The following RIMBP2 variants were observed in gnomAD, a reference collection of about 807,000 sequenced individuals.
RIMBP2 encodes the protein RIMS binding protein 2.
A neutral mutation model predicts 118.6 loss-of-function variants in RIMBP2; 48 were observed. The observed-to-expected ratio is 0.40, with a 90% CI of 0.32 to 0.51. RIMBP2 has a LOEUF of 0.51. RIMBP2 is among the 20% of genes least tolerant of loss of function. The pLI, the probability that RIMBP2 is intolerant of heterozygous loss-of-function variation, is 0.41. For missense variants in RIMBP2, 1,551 were observed against 1,768.3 expected (o/e 0.88, Z 2.20); for synonymous variants, 762 against 742.9 (o/e 1.03, Z -0.42).
At chr12:130,626,032 T>C (rs2061599794) in intron 2 of RIMBP2, among the ~76,000 whole-genome samples, 2 of 152,336 alleles carry the variant, frequency 1.3e-5, no homozygotes, top group East Asian at 1.9e-4. Flanking sequence ...GATACCATTA[T>C]ATTAATAATG....
At chr12:130,537,989 T>C (rs757887698) in intron 2 of RIMBP2, among the ~76,000 whole-genome samples, 20 of 152,162 alleles carry the variant, frequency 1.3e-4, no homozygotes, top group Non-Finnish European at 2.5e-4. Context: ...GTTTCCATTT[T>C]ATTCACACAG....
chr12:130,494,933 C>T (rs1370248364), intron 4 of RIMBP2, among the ~76,000 whole-genome samples: 1 of 152,222 alleles, frequency 6.6e-6, no homozygotes, highest in Non-Finnish European at 1.5e-5. Flanking sequence ...TCTCGTGGAA[C>T]CTCTGAGGGA....
intron 1 of RIMBP2, among the ~76,000 whole-genome samples, chr12:130,689,269 C>T (rs2065210120): frequency 6.6e-6 from 1 of 151,970 alleles, no homozygotes; most frequent in Non-Finnish European, 1.5e-5. Context: ...CCCGTCTCTA[C>T]CAAAAATACA....
intron 2 of RIMBP2, among the ~76,000 whole-genome samples, chr12:130,626,471 T>C (rs1182926006): frequency 6.8e-6 from 1 of 146,416 alleles, no homozygotes; most frequent in Non-Finnish European, 1.5e-5. Context: ...CCATCACGAC[T>C]ACCGCCAGCA....
intron 13 of RIMBP2, 22 bp downstream of exon 13, chr12:130,436,820 G>C: frequency 2.2e-6 from 3 of 1,372,100 alleles, no homozygotes; most frequent in Non-Finnish European, 2.8e-6. Context: ...AGGAGCCACC[G>C]AGGCGGGAGC....
chr12:130,402,530 A>G, intron 21 of RIMBP2, among the ~76,000 whole-genome samples: 1 of 152,140 alleles, frequency 6.6e-6, no homozygotes, highest in Non-Finnish European at 1.5e-5. Context: ...GTGTACCATC[A>G]AAACCCTTTA....
At chr12:130,587,081 CTCG>C (rs2058937277) in intron 2 of RIMBP2, among the ~76,000 whole-genome samples, 1 of 138,886 alleles carries the variant, frequency 7.2e-6, no homozygotes, top group South Asian at 2.8e-4. Context: ...TGAAAAAATG[CTCG>C]TCATCACTGG....
intron 4 of RIMBP2, among the ~76,000 whole-genome samples, chr12:130,490,427 A>C (rs2048531087): frequency 6.6e-6 from 1 of 152,134 alleles, no homozygotes. Context: ...TTAAAAAATA[A>C]ATGGTTTTGA....
Position 130,710,457 on chromosome 12 carries a change from C to G in RIMBP2, c.-352+5765G>C, listed in dbSNP as rs1593055152. Among the ~76,000 whole-genome samples the G allele has an allele frequency of 6.6e-6, 1 of 152,008 alleles. No homozygotes were observed. Among genetic ancestry groups the G allele is most frequent in the South Asian group, 2.1e-4 (1 of 4,814 alleles). Reference sequence around the variant, plus strand: ...ACATACACGCAGGCGCACACACACACATACACACACACACGTACACACACA... The same window carrying G: ...ACATACACGCAGGCGCACACACACAGATACACACACACACGTACACACACA... On this transcript the variant is annotated intron_variant, in intron 1 of 22. Transcript: ENST00000690449. The surrounding 1 kb of genome is among the most constrained non-coding windows in gnomAD (Gnocchi z 4.3).
chr12:130,565,679 T>C (rs1229985199), intron 2 of RIMBP2, among the ~76,000 whole-genome samples: 1 of 152,248 alleles, frequency 6.6e-6, no homozygotes, highest in Non-Finnish European at 1.5e-5. Context: ...CCCCTCTTTT[T>C]AAAATTATTT....
chr12:130,678,418 AG>A (rs2064604020), intron 1 of RIMBP2, among the ~76,000 whole-genome samples: 1 of 152,242 alleles, frequency 6.6e-6, no homozygotes, highest in Admixed American at 6.5e-5. Flanking sequence ...CAGCCACCAA[AG>A]GGGCGAAGTG....
At chr12:130,709,452 C>A (rs938379227) in intron 1 of RIMBP2, among the ~76,000 whole-genome samples, 5 of 152,238 alleles carry the variant, frequency 3.3e-5, no homozygotes, top group African/African-American at 9.6e-5. Context: ...CCGCAGCCTG[C>A]GGGGCAGCTC....
intron 21 of RIMBP2, among the ~76,000 whole-genome samples, chr12:130,401,812 A>G (rs963010440): frequency 6.6e-6 from 1 of 152,140 alleles, no homozygotes; most frequent in African/African-American, 2.4e-5. Context: ...CCAGCCTTAG[A>G]AAAGATTCTT....
In RIMBP2 at chr12:130,424,582, C is replaced by T. The variant is rs370840534; in HGVS notation, c.2689G>A (p.Val897Met). ...CTGTCTTCCAGAAGGAAGTCCTCCA[C>T]GTGGGGGACGGCCCCCGAGCCCCTG... Reference protein sequence around the residue: ...KHRGSGAVPHVEDFLLEDRGC... With the variant: ...KHRGSGAVPHMEDFLLEDRGC... The change falls in exon 16 of 23, where the codon GTG (valine) becomes ATG (methionine). Residue 897 changes from valine to methionine, a missense_variant. Coordinates refer to ENST00000690449, the MANE Select transcript of RIMBP2 (RefSeq NM_001393629.1). This position sits in a 1 kb window ranked among gnomAD's most constrained non-coding sequence, Gnocchi z 9.8. 14 of 1,231,880 alleles carry T rather than the reference C, an allele frequency of 1.1e-5. No homozygotes were observed. Among genetic ancestry groups the T allele is most frequent in the South Asian group, 8.2e-5 (2 of 24,328 alleles). 76.3% of individuals were successfully genotyped at this position (1,231,880 alleles called of 1,614,324 possible).
chr12:130,700,440 G>C (rs546341722), intron 1 of RIMBP2, among the ~76,000 whole-genome samples: 98 of 152,240 alleles, frequency 6.4e-4, no homozygotes, highest in South Asian at 3.9e-3. Context: ...TAGGGTTTTT[G>C]AAGATGCAAT....
At chr12:130,558,155 C>T (rs1245529964) in intron 2 of RIMBP2, among the ~76,000 whole-genome samples, 2 of 152,158 alleles carry the variant, frequency 1.3e-5, no homozygotes, top group East Asian at 3.9e-4. Flanking sequence ...GAAACAACAA[C>T]AAAATGCAAT....
At chr12:130,506,124 C>T (rs984235510) in intron 4 of RIMBP2, among the ~76,000 whole-genome samples, 3 of 151,968 alleles carry the variant, frequency 2.0e-5, no homozygotes, top group Admixed American at 1.3e-4. Context: ...TTCAGCTTAA[C>T]TCAGTGGCAT....
At chr12:130,499,352 C>T (rs944063144) in intron 4 of RIMBP2, among the ~76,000 whole-genome samples, 12 of 152,336 alleles carry the variant, frequency 7.9e-5, no homozygotes, top group Non-Finnish European at 1.6e-4. Flanking sequence ...TGCGGTCTCC[C>T]TGCATCTCCT....
At chr12:130,637,122 C>T (rs189724981) in intron 1 of RIMBP2, among the ~76,000 whole-genome samples, 39 of 152,326 alleles carry the variant, frequency 2.6e-4, no homozygotes, top group African/African-American at 9.1e-4. Flanking sequence ...CCACAGCCAT[C>T]GAATCTTTGC....
Sources: gnomAD v4.1 joint callset for allele counts (sites outside exome capture counted in the v4.1 genomes callset) on GRCh38, gnomAD v4.1.1 for gene constraint, Gnocchi (gnomAD v3.1) non-coding constraint, MANE v1.5 for transcripts, NCBI Gene and HGNC (gene_info 2026-07-23, HGNC 2026-07-21) for gene names.